Variants in TMEM272 observed in about 807,000 individuals in gnomAD.
TMEM272 encodes transmembrane protein 272, also known as long intergenic non-protein coding RNA 282.
TMEM272 carries 8 observed loss-of-function variants against 3.7 expected under a neutral mutation model. The ratio of observed to expected loss-of-function variants is 2.17; its 90% CI spans 1.27 to 3.91. TMEM272 has a LOEUF of 3.91. Ranked by LOEUF, TMEM272 falls within the 30% of genes most tolerant of loss-of-function variation. The pLI is 0.00. For missense variants in TMEM272, 166 were observed against 91.5 expected (o/e 1.81, Z -3.32); for synonymous variants, 63 against 39.8 (o/e 1.58, Z -2.20).
chr13:51,926,542 G>A, the TMEM272 span, among the ~76,000 whole-genome samples: 1 of 142,712 alleles, frequency 7.0e-6, no homozygotes, highest in Non-Finnish European at 1.5e-5. Flanking sequence ...CAGCCTGAAT[G>A]TTTAGGCTCA....
the TMEM272 span, among the ~76,000 whole-genome samples, chr13:51,857,494 A>G: frequency 6.6e-6 from 1 of 152,130 alleles, no homozygotes; most frequent in Non-Finnish European, 1.5e-5. Flanking sequence ...ACAAAATGAA[A>G]AAGGTAGAAG....
rs1489954013 is a variant in TMEM272 at position 51,816,767 on chromosome 13, G to C, written c.548C>G (p.Ala183Gly). ...CVYLCSRWRL[A>G]ADED ...AGGCAGCTGTCAGTCTTCATCGGCA[G>C]CAAGTCTCCACCTGGAGCACAGGTA... The change falls in exon 5 of 5, where the codon GCT (alanine) becomes GGT (glycine). Residue 183 changes from alanine (A) to glycine (G), a missense_variant. Physicochemically the swap from Ala to Gly is moderately conservative, Grantham distance 60. Coordinates refer to ENST00000629372, the MANE Select transcript of TMEM272 (RefSeq NM_001351003.2). The C allele has an allele frequency of 7.2e-6, 5 of 698,476 alleles. No homozygotes were observed. Among genetic ancestry groups the C allele is most frequent in the Non-Finnish European group, 1.3e-5 (5 of 381,344 alleles). 43.3% of individuals were successfully genotyped at this position (698,476 alleles called of 1,614,324 possible). A position where few individuals can be genotyped will look rare whatever the true frequency, so the allele number is the denominator to read the frequency against.
chr13:51,913,120 C>T, the TMEM272 span, among the ~76,000 whole-genome samples: 2 of 152,140 alleles, frequency 1.3e-5, no homozygotes, highest in African/African-American at 4.8e-5. Context: ...CTCATGTTAT[C>T]CTAAAGCTAA....
At chr13:51,909,537 T>C in the TMEM272 span, 5 of 1,065,414 alleles carry the variant, frequency 4.7e-6, no homozygotes, top group South Asian at 6.2e-5. Flanking sequence ...ACTGCAAAGA[T>C]GCTTGTTCCG....
chr13:51,851,397 G>GGAAGAAGAA, the TMEM272 span, among the ~76,000 whole-genome samples: 3 of 141,546 alleles, frequency 2.1e-5, no homozygotes, highest in African/African-American at 7.6e-5. Flanking sequence ...AGGAGGAGGA[G>GGAAGAAGAA]GAAGAAGAAG....
the TMEM272 span, among the ~76,000 whole-genome samples, chr13:51,869,942 G>A: frequency 2.0e-5 from 3 of 152,238 alleles, no homozygotes; most frequent in Non-Finnish European, 4.4e-5. Flanking sequence ...ATCCTTCCGA[G>A]GTAGAAGTAG....
At position 51,816,689 on chromosome 13, in the gene TMEM272, CTGTG is replaced by C. The variant is rs1200688272; in HGVS notation, c.*58_*61del. 5.9e-5 allele frequency: 38 copies of C among 639,954 alleles called. No homozygotes were observed. Among genetic ancestry groups the C allele is most frequent in the South Asian group, 4.5e-4 (26 of 57,390 alleles). The allele number at this position is 639,954 out of a possible 1,614,324, so 39.6% of individuals were successfully genotyped here. The stretch of plus-strand genomic sequence containing the variant: ...TGTGTGTGTGTGTGCGTCTGTGTGT[CTGTG>C]TGCACGCGCGTGCATGCACACGCAT... On this transcript the variant is annotated 3_prime_UTR_variant, in exon 5 of 5. Transcript: ENST00000629372.
the TMEM272 span, among the ~76,000 whole-genome samples, chr13:51,863,603 C>T: frequency 2.0e-5 from 3 of 151,834 alleles, no homozygotes. Flanking sequence ...GTTTGTGTGA[C>T]TGGATGGATG....
the TMEM272 span, among the ~76,000 whole-genome samples, chr13:51,855,564 TG>T: frequency 6.6e-6 from 1 of 152,118 alleles, no homozygotes; most frequent in African/African-American, 2.4e-5. Context: ...AAAATCAAGA[TG>T]GATAAATTTG....
chr13:51,871,192 CTTT>C, the TMEM272 span, among the ~76,000 whole-genome samples: 10 of 137,598 alleles, frequency 7.3e-5, no homozygotes, highest in Admixed American at 2.9e-4. Context: ...CAGAGTATGA[CTTT>C]TTTTTTTTTT....
the TMEM272 span, chr13:51,909,826 T>C: frequency 1.3e-6 from 2 of 1,589,622 alleles, no homozygotes; most frequent in South Asian, 1.1e-5. Context: ...TCAGTCAGAG[T>C]CTCGATGTGA....
the TMEM272 span, among the ~76,000 whole-genome samples, chr13:51,888,131 C>T: frequency 2.6e-4 from 40 of 151,558 alleles, no homozygotes; most frequent in African/African-American, 5.8e-4. Context: ...CTGCAAACTC[C>T]GCCTCCCAGG....
the TMEM272 span, among the ~76,000 whole-genome samples, chr13:51,911,937 G>A: frequency 1.3e-5 from 2 of 152,122 alleles, no homozygotes; most frequent in African/African-American, 4.8e-5. Flanking sequence ...GCCCACTGCT[G>A]CCTCAGGGCT....
chr13:51,856,647 A>T, the TMEM272 span, among the ~76,000 whole-genome samples: 4 of 152,140 alleles, frequency 2.6e-5, no homozygotes, highest in African/African-American at 9.7e-5. Flanking sequence ...AATTTCAATC[A>T]TACAAGAAAT....
At chr13:51,920,607 G>C in the TMEM272 span, among the ~76,000 whole-genome samples, 1 of 152,056 alleles carries the variant, frequency 6.6e-6, no homozygotes, top group African/African-American at 2.4e-5. Flanking sequence ...CTCCCAGCCG[G>C]GTCCCCTCAG....
At chr13:51,866,099 G>A in the TMEM272 span, 4 of 1,540,872 alleles carry the variant, frequency 2.6e-6, no homozygotes, top group Non-Finnish European at 3.5e-6. Flanking sequence ...CAGGTGCAGG[G>A]CCCTGTGGTC....
the TMEM272 span, among the ~76,000 whole-genome samples, chr13:51,851,547 CG>C: frequency 1.0e-5 from 1 of 97,922 alleles, no homozygotes; most frequent in Middle Eastern, 7.4e-3. Flanking sequence ...TTTTTTGAGA[CG>C]GAGTCTTGTT....
the TMEM272 span, among the ~76,000 whole-genome samples, chr13:51,931,050 AT>A: frequency 2.6e-5 from 4 of 152,330 alleles, no homozygotes; most frequent in East Asian, 7.7e-4. Flanking sequence ...ACTAAAAGTT[AT>A]TTGGAATGCT....
chr13:51,888,106 C>T, the TMEM272 span, among the ~76,000 whole-genome samples: 386 of 150,118 alleles, frequency 2.6e-3, 1 homozygote, highest in Middle Eastern at 6.9e-3. Flanking sequence ...AGTGCAGTGG[C>T]GTAATCTCAG....
Sources: gnomAD v4.1 joint callset for allele counts (sites outside exome capture counted in the v4.1 genomes callset) on GRCh38, gnomAD v4.1.1 for gene constraint, MANE v1.5 for transcripts, NCBI Gene and HGNC (gene_info 2026-07-23, HGNC 2026-07-21) for gene names.